LARS2: variants seen among roughly 807,000 people sequenced by gnomAD.
LARS2 encodes leucyl-tRNA synthetase 2, mitochondrial.
In LARS2, 81 loss-of-function variants were observed where a neutral mutation model predicts 116.6. The observed-to-expected ratio is 0.69, with a 90% CI of 0.58 to 0.84. LARS2 has a LOEUF of 0.84. Ranked by LOEUF, LARS2 falls within the 40% of genes least tolerant of loss-of-function variation. The pLI, the probability that LARS2 is intolerant of heterozygous loss-of-function variation, is 0.00. For missense variants in LARS2, 968 were observed against 1,114.5 expected, an observed-to-expected ratio of 0.87 and a Z score of 1.87; for synonymous variants, 396 against 407.2, an observed-to-expected ratio of 0.97 and a Z score of 0.33.
At chr3:45,543,547 C>G (rs1327685225) in intron 21 of LARS2, among the ~76,000 whole-genome samples, 1 of 151,498 alleles carries the variant, frequency 6.6e-6, no homozygotes, top group Admixed American at 6.6e-5. Context: ...TCTTGGCTCA[C>G]TACAACCTCC....
At chr3:45,536,332 C>T (rs1700704500) in intron 20 of LARS2, among the ~76,000 whole-genome samples, 1 of 152,146 alleles carries the variant, frequency 6.6e-6, no homozygotes, top group South Asian at 2.1e-4. Context: ...TAGTCTTGAA[C>T]TCCTGGGCTT....
chr3:45,493,857 C>T (rs1420793145), intron 13 of LARS2, among the ~76,000 whole-genome samples: 1 of 152,124 alleles, frequency 6.6e-6, no homozygotes, highest in East Asian at 1.9e-4. Context: ...ATCAGCATGG[C>T]AAATGTTAGC....
At chr3:45,523,025 A>G (rs1700477427) in intron 19 of LARS2, among the ~76,000 whole-genome samples, 1 of 152,242 alleles carries the variant, frequency 6.6e-6, no homozygotes, top group East Asian at 1.9e-4. Flanking sequence ...AGGATAAAAT[A>G]TACCTTTTTT....
intron 10 of LARS2, among the ~76,000 whole-genome samples, chr3:45,482,260 A>G (rs1300038572): frequency 6.6e-6 from 1 of 152,170 alleles, no homozygotes; most frequent in Non-Finnish European, 1.5e-5. Context: ...CTTTCCCATC[A>G]TGTTGAACAC....
intron 3 of LARS2, among the ~76,000 whole-genome samples, chr3:45,396,547 C>T (rs1454189787): frequency 6.6e-6 from 1 of 152,186 alleles, no homozygotes; most frequent in Non-Finnish European, 1.5e-5. Context: ...CATTTATAAT[C>T]GATCTCACTC....
chr3:45,448,654 C>A (rs1559472701), intron 7 of LARS2, among the ~76,000 whole-genome samples: 1 of 152,300 alleles, frequency 6.6e-6, no homozygotes, highest in East Asian at 1.9e-4. Flanking sequence ...CTAAAAGTAT[C>A]CCTTATGGGA....
At chr3:45,431,296 T>A (rs35104704) in intron 6 of LARS2, among the ~76,000 whole-genome samples, 1 of 152,186 alleles carries the variant, frequency 6.6e-6, no homozygotes. Context: ...CCAAGCTGAC[T>A]AAGATAAATC....
chr3:45,530,972 A>G (rs1005725773), intron 20 of LARS2, among the ~76,000 whole-genome samples: 2 of 152,208 alleles, frequency 1.3e-5, no homozygotes, highest in South Asian at 2.1e-4. Context: ...AAGGTTTCAC[A>G]TCTTTACCTC....
At chr3:45,500,686 T>C (rs1700103201) in intron 15 of LARS2, 107 bp downstream of exon 15, 1 of 792,568 alleles carries the variant, frequency 1.3e-6, no homozygotes, top group East Asian at 2.8e-5. Flanking sequence ...AGAATACTAG[T>C]TTTCTAGTAT....
At chr3:45,461,605 G>T (rs1226860324) in intron 8 of LARS2, among the ~76,000 whole-genome samples, 12 of 152,176 alleles carry the variant, frequency 7.9e-5, no homozygotes, top group African/African-American at 2.9e-4. Context: ...GTTTTTATAA[G>T]ATCACTGTGG....
At chr3:45,539,523 C>T (rs1038469775) in intron 20 of LARS2, among the ~76,000 whole-genome samples, 33 of 152,172 alleles carry the variant, frequency 2.2e-4, no homozygotes, top group African/African-American at 7.5e-4. Context: ...CTCAGCTACT[C>T]AGGAGGCTGA....
chr3:45,469,824 C>T (rs1225661960), intron 8 of LARS2, among the ~76,000 whole-genome samples: 1 of 151,866 alleles, frequency 6.6e-6, no homozygotes, highest in Non-Finnish European at 1.5e-5. Flanking sequence ...GCCTCCCCCC[C>T]CACCAAAAAA....
chr3:45,522,012 G>A (rs576043799), intron 19 of LARS2, among the ~76,000 whole-genome samples: 175 of 152,114 alleles, frequency 1.2e-3, no homozygotes, highest in Non-Finnish European at 1.9e-3. Context: ...AGGCTGAGGC[G>A]GGAGGATCCC....
intron 16 of LARS2, among the ~76,000 whole-genome samples, chr3:45,514,273 C>T (rs17077951): frequency 0.27 from 41,097 of 151,644 alleles, 5,869 homozygotes; most frequent in Middle Eastern, 0.4. Context: ...CTGTGAGAAA[C>T]CCCCAGCACT....
At chr3:45,408,881 GT>G (rs1698279528) in intron 4 of LARS2, among the ~76,000 whole-genome samples, 1 of 152,186 alleles carries the variant, frequency 6.6e-6, no homozygotes, top group South Asian at 2.1e-4. Context: ...GACTTTGGAA[GT>G]TTATTTTGTG....
intron 4 of LARS2, among the ~76,000 whole-genome samples, chr3:45,413,079 T>A (rs917667454): frequency 1.3e-5 from 2 of 152,228 alleles, no homozygotes; most frequent in African/African-American, 4.8e-5. Context: ...AGTACTTGAT[T>A]GGCCCTTTGA....
At chr3:45,493,345 C>T (rs979536872) in intron 13 of LARS2, among the ~76,000 whole-genome samples, 1 of 152,144 alleles carries the variant, frequency 6.6e-6, no homozygotes, top group African/African-American at 2.4e-5. Context: ...GTGTTCTGCC[C>T]GCCTAGGCCT....
intron 14 of LARS2, among the ~76,000 whole-genome samples, chr3:45,500,233 C>T (rs375277660): frequency 6.6e-6 from 1 of 152,176 alleles, no homozygotes; most frequent in East Asian, 1.9e-4. Context: ...AACTCCTGAC[C>T]TCAGGTGAGC....
At chr3:45,534,939 T>A (rs1186636278) in intron 20 of LARS2, among the ~76,000 whole-genome samples, 1 of 152,160 alleles carries the variant, frequency 6.6e-6, no homozygotes, top group Non-Finnish European at 1.5e-5. Context: ...TACCATAATA[T>A]TGTCCTATCT....
Sources: gnomAD v4.1 joint callset for allele counts (sites outside exome capture counted in the v4.1 genomes callset) on GRCh38, gnomAD v4.1.1 for gene constraint, MANE v1.5 for transcripts, NCBI Gene and HGNC (gene_info 2026-07-23, HGNC 2026-07-21) for gene names.